The following WDR75 variants were observed in gnomAD, a reference collection of about 807,000 sequenced individuals.
The protein encoded by WDR75 is WD repeat domain 75.
WDR75 carries 52 observed loss-of-function variants against 106.1 expected under a neutral mutation model. The observed-to-expected ratio is 0.49, with a 90% CI of 0.39 to 0.62. The LOEUF (loss-of-function observed/expected upper bound fraction) is 0.62, where lower values mean the gene tolerates loss of function less well. Among genes scored for constraint, WDR75 ranks in the 20% least tolerant of loss-of-function variants. The pLI is 0.00. For missense variants in WDR75, 905 were observed against 970.3 expected (o/e 0.93, Z 0.89); for synonymous variants, 333 against 335.5 (o/e 0.99, Z 0.08).
At chr2:189,448,290 T>C in intron 1 of WDR75, 89 bp from the exon 2 acceptor site, 1 of 1,400,212 alleles carries the variant, frequency 7.1e-7, no homozygotes, top group Non-Finnish European at 9.5e-7. Flanking sequence ...TCAAGACCAC[T>C]GAAACAATGA....
At chr2:189,473,204 A>G (rs534642593) in intron 18 of WDR75, among the ~76,000 whole-genome samples, 118 of 152,134 alleles carry the variant, frequency 7.8e-4, no homozygotes, top group Middle Eastern at 3.4e-3. Flanking sequence ...GTGACAGAAC[A>G]AGACTCCATC....
chr2:189,450,841 C>A, intron 2 of WDR75, 62 bp from the exon 3 acceptor site: 1 of 1,592,466 alleles, frequency 6.3e-7, no homozygotes, highest in South Asian at 1.2e-5. Context: ...TTTAATTATT[C>A]ATTTGATATC....
chr2:189,458,406 C>T (rs953212806), intron 6 of WDR75, among the ~76,000 whole-genome samples: 1 of 152,002 alleles, frequency 6.6e-6, no homozygotes, highest in African/African-American at 2.4e-5. Flanking sequence ...TTGATTATGC[C>T]TCATGCTAAG....
chr2:189,463,981 C>T lies in WDR75; in HGVS notation c.1113+20C>T, dbSNP rs774816102. On this transcript the variant is annotated intron_variant, in intron 11 of 20. Coordinates refer to ENST00000314761, the MANE Select transcript of WDR75 (RefSeq NM_032168.3). ...TACAATGTAAGATTTTGATCATTAG[C>T]CTTGAAATTAATGAAAGCTCTTTAC... 1.3e-6 allele frequency: 2 copies of T among 1,597,404 alleles called. No individual in the cohort carries two copies. Among genetic ancestry groups the T allele is most frequent in the South Asian group, 1.1e-5 (1 of 90,116 alleles).
At chr2:189,447,808 T>A (rs1334508329) in intron 1 of WDR75, among the ~76,000 whole-genome samples, 1 of 152,220 alleles carries the variant, frequency 6.6e-6, no homozygotes, top group African/African-American at 2.4e-5. Flanking sequence ...AAGAAATGTC[T>A]GTTGCATTTT....
chr2:189,451,746 A>C lies in WDR75; in HGVS notation c.283-59A>C, dbSNP rs566437851. The stretch of plus-strand genomic sequence containing the variant: ...TACATAAAAACCCCTGCCTTGATGG[A>C]TCTTATGTTCCACTGGAGGGAACAG... On this transcript the variant is annotated intron_variant, in intron 3 of 20. Transcript: ENST00000314761. 8.1e-5 allele frequency: 119 copies of C among 1,466,374 alleles called. No homozygotes were observed. In the Admixed American group the frequency reaches 2.0e-3, roughly 25 times the overall value. 90.8% of individuals were successfully genotyped at this position (1,466,374 alleles called of 1,614,324 possible).
At chr2:189,442,429 C>A (rs951602575) in intron 1 of WDR75, among the ~76,000 whole-genome samples, 47 of 145,632 alleles carry the variant, frequency 3.2e-4, no homozygotes, top group African/African-American at 1.2e-3. Flanking sequence ...AAGTTTGTAG[C>A]CTCCACAATA....
At position 189,447,116 on chromosome 2, in the gene WDR75, T is replaced by C. The variant is rs1161611956; in HGVS notation, c.87-1263T>C. On this transcript the variant is annotated intron_variant, in intron 1 of 20. Coordinates refer to ENST00000314761, the MANE Select transcript of WDR75 (RefSeq NM_032168.3). ...TCCATTTAATATTTTCAGATTGATCTTGACTGTAGGTAATTAAAACCAGGG... is the reference window on the plus strand; with the variant it reads ...TCCATTTAATATTTTCAGATTGATCCTGACTGTAGGTAATTAAAACCAGGG... 9.0e-4 allele frequency among the ~76,000 whole-genome samples: 137 copies of C among 152,236 alleles called. 1 individual carries two copies. Among genetic ancestry groups the C allele is most frequent in the Non-Finnish European group, 1.5e-4 (10 of 68,044 alleles).
intron 16 of WDR75, 40 bp from the exon 17 acceptor site, chr2:189,470,036 T>A (rs770458271): frequency 6.3e-7 from 1 of 1,588,262 alleles, no homozygotes; most frequent in Non-Finnish European, 8.6e-7. Flanking sequence ...ACTAACCTTT[T>A]CAGGCAAAAT....
intron 4 of WDR75, among the ~76,000 whole-genome samples, chr2:189,454,034 C>T (rs186296999): frequency 1.7e-3 from 263 of 152,276 alleles, no homozygotes; most frequent in African/African-American, 5.9e-3. Context: ...CAAAACACTT[C>T]TAAGTCCCAG....
chr2:189,475,034 A>G, intron 20 of WDR75, among the ~76,000 whole-genome samples, 179 bp from the exon 21 acceptor site: 1 of 152,194 alleles, frequency 6.6e-6, no homozygotes, highest in South Asian at 2.1e-4. Flanking sequence ...ATAATTTAAA[A>G]TTACATGTTT....
Position 189,469,414 on chromosome 2 carries a change from C to A in WDR75, c.1794C>A (p.Ile598=). Residue 598 remains isoleucine, a synonymous_variant, in exon 16 of 21, where the codon ATC becomes ATA. Transcript: ENST00000314761. ...CTAATTCAGAGAATATTGCTGCAAT[C>A]TCTCAGTCTTCAGTGGGTTCAGACT... ...PDPNSENIAA[I]SQSSVGSDLF... 6.2e-7 allele frequency: 1 copy of A among 1,613,330 alleles called. No homozygotes were observed. Among genetic ancestry groups the A allele is most frequent in the Non-Finnish European group, 8.5e-7 (1 of 1,179,410 alleles).
intron 18 of WDR75, among the ~76,000 whole-genome samples, chr2:189,473,648 T>C (rs1466562330): frequency 6.6e-6 from 1 of 152,158 alleles, no homozygotes; most frequent in Admixed American, 6.5e-5. Flanking sequence ...CTAAGTAGAC[T>C]TTCCACCAGC....
intron 14 of WDR75, among the ~76,000 whole-genome samples, chr2:189,468,059 G>A (rs549048578): frequency 6.6e-6 from 1 of 152,124 alleles, no homozygotes; most frequent in Non-Finnish European, 1.5e-5. Flanking sequence ...TTGGGCCTGA[G>A]GACAGAATCA....
chr2:189,466,060 T>A (rs1686992886), intron 12 of WDR75, among the ~76,000 whole-genome samples: 1 of 152,166 alleles, frequency 6.6e-6, no homozygotes, highest in South Asian at 2.1e-4. Context: ...GGCCTTTCCA[T>A]TTTTTATTTT....
At chr2:189,457,214 CT>C in intron 5 of WDR75, 96 bp from the exon 6 acceptor site, 1 of 801,298 alleles carries the variant, frequency 1.2e-6, no homozygotes, top group Non-Finnish European at 2.0e-6. Flanking sequence ...ACATTCCAGC[CT>C]GGGGGACAAG....
chr2:189,461,189 T>C (rs1036015546), intron 8 of WDR75, among the ~76,000 whole-genome samples: 1 of 152,212 alleles, frequency 6.6e-6, no homozygotes, highest in Admixed American at 6.5e-5. Context: ...AACCAGTTGT[T>C]TTAGATTCAT....
intron 17 of WDR75, among the ~76,000 whole-genome samples, 161 bp from the exon 18 acceptor site, chr2:189,470,658 G>A (rs146962898): frequency 1.1e-4 from 17 of 151,520 alleles, no homozygotes; most frequent in East Asian, 3.9e-4. Context: ...AACTCTCATC[G>A]TGGTTATTAA....
At chr2:189,446,930 G>A (rs987632332) in intron 1 of WDR75, among the ~76,000 whole-genome samples, 2 of 152,184 alleles carry the variant, frequency 1.3e-5, no homozygotes, top group African/African-American at 4.8e-5. Flanking sequence ...TACAGCAATA[G>A]TGGATAGGAT....
Sources: gnomAD v4.1 joint callset for allele counts (sites outside exome capture counted in the v4.1 genomes callset) on GRCh38, gnomAD v4.1.1 for gene constraint, MANE v1.5 for transcripts, NCBI Gene and HGNC (gene_info 2026-07-23, HGNC 2026-07-21) for gene names.